Variants in OLFM1 observed in about 807,000 individuals in gnomAD.
The protein encoded by OLFM1 is olfactomedin 1, also known as noelin.
A neutral mutation model predicts 49.7 loss-of-function variants in OLFM1; 9 were observed. The ratio of observed to expected loss-of-function variants is 0.18; its 90% CI spans 0.11 to 0.32. The LOEUF is 0.32. Ranked by LOEUF, OLFM1 falls within the 10% of genes least tolerant of loss-of-function variation. OLFM1 has a pLI of 1.00. For synonymous variants in OLFM1, 240 were observed against 271.8 expected (o/e 0.88, Z 1.15); for missense variants, 369 against 661.8 (o/e 0.56, Z 4.85).
chr9:135,102,391 C>G (rs1285085444), intron 4 of OLFM1, among the ~76,000 whole-genome samples: 1 of 152,214 alleles, frequency 6.6e-6, no homozygotes. Flanking sequence ...TAAGCCCTTG[C>G]CAGTGGATTC....
intron 2 of OLFM1, among the ~76,000 whole-genome samples, chr9:135,091,655 ACACACACACAGT>A (rs1564270738): frequency 1.0e-5 from 1 of 100,008 alleles, no homozygotes; most frequent in African/African-American, 4.2e-5. Context: ...TCACATAGTC[ACACACACACAGT>A]CACACACTCA....
chr9:135,090,152 C>T lies in OLFM1; in HGVS notation c.151-43C>T, dbSNP rs1372989003. On this transcript the variant is annotated intron_variant, in intron 1 of 5. Transcript: ENST00000371793. ...TCTGATACACAACCTCATGGTCTCC[C>T]TTTCTCTCCTTCCCTCTCCCTTCCC... is the stretch of plus-strand genomic sequence containing the variant. 7 of 1,561,738 alleles carry T rather than the reference C, an allele frequency of 4.5e-6. No individual in the cohort carries two copies. In the East Asian group the frequency reaches 1.4e-4, roughly 31 times the overall value.
intron 3 of OLFM1, chr9:135,097,956 T>C: frequency 6.9e-7 from 1 of 1,449,496 alleles, no homozygotes; most frequent in Non-Finnish European, 9.0e-7. Context: ...CTCCTTTGCA[T>C]GCGACTGTAG....
intron 4 of OLFM1, among the ~76,000 whole-genome samples, chr9:135,101,988 T>G (rs1229584247): frequency 6.6e-6 from 1 of 152,220 alleles, no homozygotes; most frequent in Non-Finnish European, 1.5e-5. Context: ...CAGACACCCA[T>G]AAGCACAGAC....
chr9:135,107,560 C>T (rs1830962913), intron 5 of OLFM1, among the ~76,000 whole-genome samples: 1 of 152,094 alleles, frequency 6.6e-6, no homozygotes, highest in African/African-American at 2.4e-5. Flanking sequence ...ATACAGGCAG[C>T]ATGGGCTTGT....
chr9:135,110,910 C>T (rs770664034), intron 5 of OLFM1, among the ~76,000 whole-genome samples: 9 of 152,242 alleles, frequency 5.9e-5, no homozygotes, highest in South Asian at 2.1e-4. Flanking sequence ...CAAGTCCCTA[C>T]GCCAAGACCC....
intron 1 of OLFM1, chr9:135,076,805 C>A (rs1403508857): frequency 6.5e-7 from 1 of 1,534,738 alleles, no homozygotes; most frequent in South Asian, 1.2e-5. Context: ...TCCTCCATCT[C>A]CCTCAGAATA....
At chr9:135,103,707 C>T (rs1320780909) in intron 4 of OLFM1, among the ~76,000 whole-genome samples, 1 of 152,152 alleles carries the variant, frequency 6.6e-6, no homozygotes, top group Non-Finnish European at 1.5e-5. Context: ...AAGACCACGT[C>T]CACTTGGGCT....
intron 1 of OLFM1, among the ~76,000 whole-genome samples, chr9:135,089,650 G>T (rs1042404466): frequency 2.0e-5 from 3 of 152,214 alleles, no homozygotes; most frequent in Non-Finnish European, 4.4e-5. Flanking sequence ...GTAGCTCGGG[G>T]TTCATCACAG....
intron 5 of OLFM1, among the ~76,000 whole-genome samples, chr9:135,110,139 G>A (rs1396737025): frequency 6.6e-6 from 1 of 152,164 alleles, no homozygotes; most frequent in East Asian, 1.9e-4. Context: ...GGGAAGGGCT[G>A]TGTGGAGGTT....
Position 135,096,035 on chromosome 9 carries a change from C to T in OLFM1, c.456+16C>T. The T allele has an allele frequency of 1.8e-6, 2 of 1,092,642 alleles. No homozygotes were observed. The highest frequency in any genetic ancestry group is 1.2e-6 in the Non-Finnish European group (1 of 825,718). 67.7% of individuals were successfully genotyped at this position (1,092,642 alleles called of 1,614,324 possible). A position where few individuals can be genotyped will look rare whatever the true frequency, so the allele number is the denominator to read the frequency against. On this transcript the variant is annotated intron_variant, in intron 3 of 5. Coordinates refer to ENST00000371793, the MANE Select transcript of OLFM1 (RefSeq NM_001282611.2). Reference sequence around the variant, plus strand: ...GCAGTTTAAGGTATGCATGTTCCTCCCCCTCTCCCTCCCCTTATCCTCCTC... The same window carrying T: ...GCAGTTTAAGGTATGCATGTTCCTCTCCCTCTCCCTCCCCTTATCCTCCTC...
rs2891100 is a variant in OLFM1 at position 135,113,065 on chromosome 9, G to A, written c.783+6210G>A. Reference sequence around the variant, plus strand: ...TGCTGTGTGCAAGATCCAGACCAGCGTGCACGCTTCCTAATGCACAGAGCA... The same window carrying A: ...TGCTGTGTGCAAGATCCAGACCAGCATGCACGCTTCCTAATGCACAGAGCA... On this transcript the variant is annotated intron_variant, in intron 5 of 5. Coordinates refer to ENST00000371793, the MANE Select transcript of OLFM1 (RefSeq NM_001282611.2). The surrounding 1 kb of genome is among the most constrained non-coding windows in gnomAD (Gnocchi z 4.0). Among the ~76,000 whole-genome samples, 32,340 of 152,160 alleles carry A rather than the reference G, an allele frequency of 0.21. 3,568 individuals carry two copies. The highest frequency in any genetic ancestry group is 0.29 in the Middle Eastern group (85 of 294).
upstream of OLFM1, chr9:135,086,731 T>A (rs961732865): frequency 3.3e-5 from 15 of 455,598 alleles, no homozygotes; most frequent in African/African-American, 6.0e-5. Flanking sequence ...GCGTGAGTCC[T>A]GCTGCGGTCG....
chr9:135,082,042 C>A (rs1270209763), intron 1 of OLFM1, among the ~76,000 whole-genome samples: 12 of 152,214 alleles, frequency 7.9e-5, no homozygotes, highest in Non-Finnish European at 1.8e-4. Context: ...AAGCTCACGC[C>A]CCTGCCTGGG....
In OLFM1 at chr9:135,080,593, G is replaced by A. The variant is rs1830520105; in HGVS notation, c.96+4791G>A. Among the ~76,000 whole-genome samples the A allele has an allele frequency of 6.6e-6, 1 of 152,102 alleles. No homozygotes were observed. Among genetic ancestry groups the A allele is most frequent in the South Asian group, 2.1e-4 (1 of 4,830 alleles). ...TGAGACAGCTGCTCCGTCTCCTAAA[G>A]CAATTTGCTTCTCATTCCACTGACT... On this transcript the variant is annotated intron_variant, in intron 1 of 5. Transcript: ENST00000252854. The surrounding 1 kb of genome is among the most constrained non-coding windows in gnomAD (Gnocchi z 4.5).
chr9:135,083,139 C>T (rs554672605), upstream of OLFM1, among the ~76,000 whole-genome samples: 7 of 152,302 alleles, frequency 4.6e-5, no homozygotes, highest in East Asian at 1.2e-3. Flanking sequence ...AGTTTCCTCA[C>T]CTGGGAAGTA....
intron 1 of OLFM1, chr9:135,076,165 A>C: frequency 2.6e-6 from 4 of 1,549,928 alleles, no homozygotes; most frequent in Non-Finnish European, 3.5e-6. Flanking sequence ...GATAGCCAAG[A>C]CCCCAGGCAT....
intron 2 of OLFM1, among the ~76,000 whole-genome samples, chr9:135,091,503 A>G: frequency 7.0e-6 from 1 of 142,066 alleles, no homozygotes; most frequent in Non-Finnish European, 1.5e-5. Context: ...ACACACATTC[A>G]CACAGTCTCA....
exon 1 of OLFM1, chr9:135,075,790 T>C (rs1248055481): frequency 2.4e-5 from 39 of 1,604,692 alleles, no homozygotes; most frequent in Non-Finnish European, 3.1e-5. Flanking sequence ...TGATGGGCAC[T>C]GAACTCACTC....
Sources: allele counts gnomAD v4.1 joint callset (sites outside exome capture counted in the v4.1 genomes callset), GRCh38; gene constraint gnomAD v4.1.1; non-coding constraint Gnocchi (gnomAD v3.1); transcripts MANE v1.5; gene names NCBI Gene and HGNC (gene_info 2026-07-23, HGNC 2026-07-21).